CCDC92: variants seen among roughly 807,000 people sequenced by gnomAD.
The protein encoded by CCDC92 is coiled-coil domain-containing protein 92.
CCDC92 carries 12 observed loss-of-function variants against 24.9 expected under a neutral mutation model. The observed-to-expected ratio is 0.48, with a 90% CI of 0.31 to 0.78. The LOEUF (loss-of-function observed/expected upper bound fraction) is 0.78, where lower values mean the gene tolerates loss of function less well. Ranked by LOEUF, CCDC92 falls within the 30% of genes least tolerant of loss-of-function variation. The pLI, the probability that CCDC92 is intolerant of heterozygous loss-of-function variation, is 0.05. For synonymous variants in CCDC92, 193 were observed against 196.3 expected (o/e 0.98, Z 0.14); for missense variants, 399 against 439.4 (o/e 0.91, Z 0.82).
At chr12:123,967,788 CAA>C (rs1956428605) in intron 1 of CCDC92, among the ~76,000 whole-genome samples, 1 of 152,166 alleles carries the variant, frequency 6.6e-6, no homozygotes, top group South Asian at 2.1e-4. Context: ...TTGAGAATGA[CAA>C]TTTACATGTA....
chr12:123,972,133 C>T (rs761162769), intron 1 of CCDC92: 12 of 152,202 alleles, frequency 7.9e-5, no homozygotes, highest in Non-Finnish European at 1.8e-4. Context: ...CTCTCCTCCC[C>T]CTTGGCACTG....
At chr12:123,962,854 T>G (rs1956304125) in intron 1 of CCDC92, 1 of 152,226 alleles carries the variant, frequency 6.6e-6, no homozygotes, top group Non-Finnish European at 1.5e-5. Context: ...ATATAGGTTT[T>G]TTTTTAAAAA....
At chr12:123,945,710 G>C (rs1955826942) in intron 1 of CCDC92, 1 of 152,254 alleles carries the variant, frequency 6.6e-6, no homozygotes, top group Non-Finnish European at 1.5e-5. Context: ...TCACCTGGAG[G>C]CTGAATCCCG....
At chr12:123,942,867 C>T (rs912953983) in intron 3 of CCDC92, 82 bp from the exon 4 acceptor site, 33 of 1,092,158 alleles carry the variant, frequency 3.0e-5, no homozygotes, top group Non-Finnish European at 4.4e-5. Context: ...AAACCGATTC[C>T]CACGATTAGC....
At chr12:123,956,726 A>G (rs796906652) in intron 1 of CCDC92, among the ~76,000 whole-genome samples, 3 of 152,348 alleles carry the variant, frequency 2.0e-5, no homozygotes, top group African/African-American at 7.2e-5. Flanking sequence ...GTGTTACTTT[A>G]GGGCTGTCTT....
intron 1 of CCDC92, among the ~76,000 whole-genome samples, chr12:123,954,531 A>G (rs555436580): frequency 7.6e-4 from 115 of 152,310 alleles, no homozygotes; most frequent in African/African-American, 2.5e-3. Context: ...GGAGGCCTAC[A>G]TGATGGACTT....
chr12:123,970,702 A>C (rs1956506474), intron 1 of CCDC92, among the ~76,000 whole-genome samples: 1 of 152,256 alleles, frequency 6.6e-6, no homozygotes, highest in South Asian at 2.1e-4. Flanking sequence ...AGATATAATT[A>C]ATCTTAGTTA....
intron 1 of CCDC92, chr12:123,945,187 C>T (rs536069149): frequency 5.9e-5 from 9 of 152,292 alleles, no homozygotes; most frequent in Admixed American, 5.9e-4. Context: ...CTCTCCCTGG[C>T]CTTTGACTGC....
At chr12:123,940,387 G>A (rs182224090) in intron 4 of CCDC92, among the ~76,000 whole-genome samples, 1 of 152,280 alleles carries the variant, frequency 6.6e-6, no homozygotes, top group East Asian at 1.9e-4. Context: ...CCTTCCTTGA[G>A]AGTCATCTAG....
chr12:123,938,312 T>TGGCCGCCTCTCTCACCCCCC (rs1360189460), intron 4 of CCDC92, among the ~76,000 whole-genome samples: 25 of 152,170 alleles, frequency 1.6e-4, no homozygotes, highest in African/African-American at 5.3e-4. Flanking sequence ...GCTCTGCCGC[T>TGGCCGCCTCTCTCACCCCCC]GGCCGCCTCT....
intron 3 of CCDC92, 147 bp from the exon 4 acceptor site, chr12:123,942,932 G>C (rs1352927969): frequency 2.8e-6 from 2 of 703,216 alleles, no homozygotes; most frequent in Non-Finnish European, 2.5e-6. Context: ...GTGAGCATGA[G>C]AGCAGCAGAA....
intron 1 of CCDC92, among the ~76,000 whole-genome samples, chr12:123,959,851 T>A (rs780330118): frequency 1.3e-5 from 2 of 152,208 alleles, no homozygotes; most frequent in African/African-American, 4.8e-5. Flanking sequence ...GCAGCACAGA[T>A]CTAAAGCATT....
rs573855755 is a variant in CCDC92, at chr12:123,949,059, C to G, written c.-59-4695G>C. 3.3e-5 allele frequency among the ~76,000 whole-genome samples: 5 copies of G among 152,230 alleles called. No homozygotes were observed. In the South Asian group the frequency reaches 6.2e-4, roughly 19 times the overall value. ...GAGGCTTAATTCAGTATCAGAGATG[C>G]TTTAGAAACATGAAGGAGCATTCAA... On this transcript the variant is annotated intron_variant, in intron 1 of 4. Coordinates refer to ENST00000238156, the MANE Select transcript of CCDC92 (RefSeq NM_025140.3).
At chr12:123,944,790 A>G (rs1418139373) in intron 1 of CCDC92, 2 of 152,914 alleles carry the variant, frequency 1.3e-5, no homozygotes. Context: ...ACGAAGGGGA[A>G]TGAACAATGA....
intron 1 of CCDC92, chr12:123,971,976 A>C (rs2138263148): frequency 6.6e-6 from 1 of 152,464 alleles, no homozygotes; most frequent in East Asian, 1.9e-4. Flanking sequence ...AGCATTTAAA[A>C]AGGCGATGTG....
At chr12:123,947,742 G>A (rs1463786658) in intron 1 of CCDC92, among the ~76,000 whole-genome samples, 1 of 152,178 alleles carries the variant, frequency 6.6e-6, no homozygotes, top group Admixed American at 6.5e-5. Flanking sequence ...TTAGCAGGAT[G>A]TGGGTGGGGC....
At chr12:123,962,501 G>A (rs1165394753) in intron 1 of CCDC92, 2 of 152,424 alleles carry the variant, frequency 1.3e-5, no homozygotes, top group Non-Finnish European at 2.9e-5. Context: ...CTGGTTAGCT[G>A]GATAAGGGGC....
intron 1 of CCDC92, among the ~76,000 whole-genome samples, chr12:123,967,409 G>A (rs1355355722): frequency 6.6e-6 from 1 of 152,170 alleles, no homozygotes; most frequent in African/African-American, 2.4e-5. Flanking sequence ...TCTTATCAAT[G>A]TGCAAGATTT....
Position 123,937,903 on chromosome 12 carries a change from G to T in CCDC92, c.224-73C>A. 6.8e-7 allele frequency: 1 copy of T among 1,464,518 alleles called. No homozygotes were observed. Among genetic ancestry groups the T allele is most frequent in the Non-Finnish European group, 9.2e-7 (1 of 1,088,986 alleles). The allele number at this position is 1,464,518 out of a possible 1,614,324, so 90.7% of individuals were successfully genotyped here. On this transcript the variant is annotated intron_variant, in intron 4 of 4. Coordinates refer to ENST00000238156, the MANE Select transcript of CCDC92 (RefSeq NM_025140.3). The surrounding 1 kb of genome is among the most constrained non-coding windows in gnomAD (Gnocchi z 8.4). ...GCCGAGTGGTGAGGCCTATGGGGCAGGCGGACCTGTCTGGTGGGGGCCCTG... is the reference window on the plus strand; with the variant it reads ...GCCGAGTGGTGAGGCCTATGGGGCATGCGGACCTGTCTGGTGGGGGCCCTG...
Sources: allele counts gnomAD v4.1 joint callset (sites outside exome capture counted in the v4.1 genomes callset), GRCh38; gene constraint gnomAD v4.1.1; non-coding constraint Gnocchi (gnomAD v3.1); transcripts MANE v1.5; gene names NCBI Gene and HGNC (gene_info 2026-07-23, HGNC 2026-07-21).